Variants in ZNF512 observed in about 807,000 individuals in gnomAD.
The protein encoded by ZNF512 is zinc finger protein 512.
ZNF512 carries 25 observed loss-of-function variants against 77.5 expected under a neutral mutation model. That is an observed-to-expected ratio of 0.32 (90% confidence interval 0.23 to 0.45). ZNF512 has a LOEUF of 0.45. Ranked by LOEUF, ZNF512 falls within the 20% of genes least tolerant of loss-of-function variation. The pLI is 1.00. For synonymous variants in ZNF512, 246 were observed against 239.9 expected (o/e 1.03, Z -0.24); for missense variants, 483 against 692.6 (o/e 0.70, Z 3.40).
chr2:27,608,396 C>T (rs112283149), intron 10 of ZNF512, among the ~76,000 whole-genome samples: 1 of 152,058 alleles, frequency 6.6e-6, no homozygotes, highest in Admixed American at 6.6e-5. Flanking sequence ...AACAGAACTC[C>T]TCTCCCCCGC....
chr2:27,595,257 C>G (rs1477065294), intron 2 of ZNF512, among the ~76,000 whole-genome samples: 1 of 150,600 alleles, frequency 6.6e-6, no homozygotes, highest in Admixed American at 6.6e-5. Flanking sequence ...GTTTTTCAAT[C>G]TTTTTTTCTC....
rs530498132 is a variant in ZNF512, at chr2:27,609,178, T to G, written c.1131+1139T>G. On this transcript the variant is annotated intron_variant, in intron 10 of 13. Transcript: ENST00000355467. ...TAGTTTCTAACACTTATGTCTTTTT[T>G]GGTCTAAAAATTAGTCCAGAGTGGT... Among the ~76,000 whole-genome samples the G allele has an allele frequency of 6.4e-4, 98 of 152,252 alleles. No individual in the cohort carries two copies. The South Asian group carries it at 0.016, about 25-fold the overall frequency.
chr2:27,585,744 A>G (rs1023796108), intron 2 of ZNF512, among the ~76,000 whole-genome samples: 6 of 152,210 alleles, frequency 3.9e-5, no homozygotes, highest in East Asian at 1.9e-4. Context: ...AAAATAGGCT[A>G]AACTTTTTAT....
At position 27,600,556 on chromosome 2, in the gene ZNF512, G is replaced by C. The variant is rs1044276067; in HGVS notation, c.458-135G>C. 14 of 984,906 alleles carry C rather than the reference G, an allele frequency of 1.4e-5. No individual in the cohort carries two copies. The African/African-American group carries it at 1.8e-4, about 13-fold the overall frequency. 61.0% of individuals were successfully genotyped at this position (984,906 alleles called of 1,614,324 possible). A position where few individuals can be genotyped will look rare whatever the true frequency, so the allele number is the denominator to read the frequency against. ...ATACTACTTTTAGAAGTTATACCCA[G>C]CAAGAGCCTCTTCATCGCAGTCTAC... On this transcript the variant is annotated intron_variant, in intron 5 of 13. Transcript: ENST00000355467.
At chr2:27,591,163 A>G (rs1558464651) in intron 2 of ZNF512, among the ~76,000 whole-genome samples, 1 of 152,160 alleles carries the variant, frequency 6.6e-6, no homozygotes, top group Non-Finnish European at 1.5e-5. Context: ...TAGCCTCCCA[A>G]GTAGCTGGGA....
chr2:27,606,003 T>A (rs2148028528), intron 9 of ZNF512, among the ~76,000 whole-genome samples: 1 of 152,372 alleles, frequency 6.6e-6, no homozygotes, highest in East Asian at 1.9e-4. Flanking sequence ...TGATCCATTC[T>A]AATAGGTACG....
At position 27,599,971 on chromosome 2, in the gene ZNF512, G is replaced by T. The variant is rs1176736595; in HGVS notation, c.375G>T (p.Gly125=). 2.5e-6 allele frequency: 4 copies of T among 1,614,180 alleles called. No individual in the cohort carries two copies. In the South Asian group the frequency reaches 4.4e-5, roughly 18 times the overall value. The change falls in exon 5 of 14, where the codon GGG becomes GGT. Residue 125 remains glycine, a splice_region_variant and synonymous_variant. Coordinates refer to ENST00000355467, the MANE Select transcript of ZNF512 (RefSeq NM_032434.4). The part of the protein sequence containing the change: ...EFPQKKHKLY[G]RKQRPKTQPN... Reference sequence around the variant, plus strand: ...CTTCAAGTTTCTGTCTTATGTCAGGGAGGAAGCAACGGCCTAAAACTCAGC... The same window carrying T: ...CTTCAAGTTTCTGTCTTATGTCAGGTAGGAAGCAACGGCCTAAAACTCAGC...
chr2:27,601,254 T>C, intron 6 of ZNF512, 102 bp from the exon 7 acceptor site: 1 of 829,860 alleles, frequency 1.2e-6, no homozygotes, highest in Non-Finnish European at 1.9e-6. Context: ...CTATTGAGCT[T>C]GAGAAATAAA....
intron 2 of ZNF512, among the ~76,000 whole-genome samples, chr2:27,590,960 T>G (rs4665995): frequency 0.58 from 87,786 of 152,158 alleles, 26,074 homozygotes; most frequent in East Asian, 0.85. Flanking sequence ...TTTTATTTCT[T>G]AGGATATTTT....
At chr2:27,595,024 C>T (rs1412899862) in intron 2 of ZNF512, among the ~76,000 whole-genome samples, 2 of 152,114 alleles carry the variant, frequency 1.3e-5, no homozygotes, top group African/African-American at 2.4e-5. Context: ...AGGCATTGGG[C>T]AGGCCCAGGC....
intron 2 of ZNF512, among the ~76,000 whole-genome samples, chr2:27,589,719 G>T (rs1671489284): frequency 6.6e-6 from 1 of 152,068 alleles, no homozygotes; most frequent in Non-Finnish European, 1.5e-5. Context: ...TGCTTTAGTT[G>T]CATCCTACAA....
chr2:27,594,338 G>T (rs1225114747), intron 2 of ZNF512, among the ~76,000 whole-genome samples: 1 of 147,760 alleles, frequency 6.8e-6, no homozygotes, highest in Non-Finnish European at 1.5e-5. Flanking sequence ...CCTAAACGGG[G>T]TGGCGGCCGG....
At chr2:27,592,490 A>G (rs6738117) in intron 2 of ZNF512, among the ~76,000 whole-genome samples, 4,959 of 149,410 alleles carry the variant, frequency 0.033, 268 homozygotes, top group African/African-American at 0.12. Context: ...TAATTTTTGT[A>G]TTTTAGTAGA....
chr2:27,613,873 G>C (rs1206810158), intron 10 of ZNF512, among the ~76,000 whole-genome samples: 1 of 151,758 alleles, frequency 6.6e-6, no homozygotes, highest in Non-Finnish European at 1.5e-5. Flanking sequence ...TTACTAATAT[G>C]ATAGTTTATT....
At chr2:27,602,428 G>C (rs753906739) in intron 7 of ZNF512, 35 bp from the exon 8 acceptor site, 1 of 1,590,630 alleles carries the variant, frequency 6.3e-7, no homozygotes, top group South Asian at 1.1e-5. Context: ...TCTTTTCCAT[G>C]AATCATCTTC....
At position 27,590,301 on chromosome 2, in the gene ZNF512, G is replaced by A. The variant is rs1572905094; in HGVS notation, c.89+6585G>A. 2.0e-5 allele frequency among the ~76,000 whole-genome samples: 3 copies of A among 152,120 alleles called. No homozygotes were observed. The East Asian group carries it at 5.8e-4, about 29-fold the overall frequency. ...GATTTGACACTTTTGTCATTATGAA[G>A]TGTCTCTTTTTATCTCTGGCAGTAC... On this transcript the variant is annotated intron_variant, in intron 2 of 13. Transcript: ENST00000355467.
rs146452229 is a variant in ZNF512, at chr2:27,596,235, A to G, written c.90-1832A>G. ...GTTTCCAATCTTATTTCAGTTCTCC[A>G]AGCTTTTGCTGCTTTGGTTTGGGTC... On this transcript the variant is annotated intron_variant, in intron 2 of 13. Transcript: ENST00000355467. Among the ~76,000 whole-genome samples, 1,078 of 152,218 alleles carry G rather than the reference A, an allele frequency of 7.1e-3. 8 individuals are homozygous for G. The highest frequency in any genetic ancestry group is 0.025 in the African/African-American group (1,029 of 41,526).
chr2:27,613,807 A>C (rs1427717671), intron 10 of ZNF512, among the ~76,000 whole-genome samples: 1 of 152,054 alleles, frequency 6.6e-6, no homozygotes, highest in Admixed American at 6.6e-5. Flanking sequence ...AATCATCCTC[A>C]TCTTTTTTAT....
intron 10 of ZNF512, among the ~76,000 whole-genome samples, chr2:27,613,511 T>A (rs1052984413): frequency 4.6e-5 from 7 of 150,702 alleles, no homozygotes; most frequent in East Asian, 1.9e-4. Context: ...AAAAAAAAAA[T>A]TTATATATAT....
Sources: gnomAD v4.1 joint callset for allele counts (sites outside exome capture counted in the v4.1 genomes callset) on GRCh38, gnomAD v4.1.1 for gene constraint, MANE v1.5 for transcripts, NCBI Gene and HGNC (gene_info 2026-07-23, HGNC 2026-07-21) for gene names.